The following ARHGAP12 variants were observed in gnomAD, a reference collection of about 807,000 sequenced individuals.
ARHGAP12 encodes Rho GTPase activating protein 12, also known as rho GTPase-activating protein 12.
In ARHGAP12, 64 loss-of-function variants were observed where a neutral mutation model predicts 108.6. That is an observed-to-expected ratio of 0.59 (90% confidence interval 0.48 to 0.73). The LOEUF (loss-of-function observed/expected upper bound fraction) is 0.73. ARHGAP12 is among the 30% of genes least tolerant of loss of function. ARHGAP12 has a pLI of 0.00. For synonymous variants in ARHGAP12, 312 were observed against 337.2 expected (o/e 0.93, Z 0.82); for missense variants, 940 against 1,005.9 (o/e 0.93, Z 0.89).
intron 10 of ARHGAP12, among the ~76,000 whole-genome samples, chr10:31,830,281 C>G (rs758133709): frequency 5.3e-5 from 8 of 151,762 alleles, no homozygotes; most frequent in Non-Finnish European, 8.8e-5. Context: ...ACATAGGAAA[C>G]TAAAGATTTT....
rs201902133 is a variant in ARHGAP12 at position 31,843,499 on chromosome 10, A to T, written c.1258T>A (p.Trp420Arg). The change falls in exon 7 of 20, where the codon TGG becomes AGG. Residue 420 changes from tryptophan (W) to arginine (R), a missense_variant. Transcript: ENST00000344936. ...TCCAATACAATGGTGCTATGTCTCC[A>T]CTTTGTTAATACTATTGGTTCTTGC... Reference protein sequence around the residue: ...RLQEPIVLTKWRHSTIVLDTN... With the variant: ...RLQEPIVLTKRRHSTIVLDTN... 1 of 1,613,092 alleles carries T rather than the reference A, an allele frequency of 6.2e-7. No homozygotes were observed. The highest frequency in any genetic ancestry group is 1.3e-5 in the African/African-American group (1 of 74,966).
In ARHGAP12 at chr10:31,872,504, C is replaced by T. The variant is rs1300700787; in HGVS notation, c.685-10846G>A. Reference sequence around the variant, plus strand: ...AGTCATCTGTATCTCCTCTCTTTACCCCAACAAAGTACTACTAATTCTCTA... The same window carrying T: ...AGTCATCTGTATCTCCTCTCTTTACTCCAACAAAGTACTACTAATTCTCTA... On this transcript the variant is annotated intron_variant, in intron 3 of 19. Transcript: ENST00000344936. Among the ~76,000 whole-genome samples the T allele has an allele frequency of 2.6e-5, 4 of 152,220 alleles. No homozygotes were observed. In the East Asian group the frequency reaches 7.7e-4, roughly 29 times the overall value.
chr10:31,892,682 T>G (rs1455190144), intron 3 of ARHGAP12, among the ~76,000 whole-genome samples: 1 of 152,178 alleles, frequency 6.6e-6, no homozygotes, highest in African/African-American at 2.4e-5. Context: ...CTGTCAACGT[T>G]AGACAGATCC....
At chr10:31,859,032 C>T (rs1225170032) in intron 4 of ARHGAP12, among the ~76,000 whole-genome samples, 3 of 152,112 alleles carry the variant, frequency 2.0e-5, no homozygotes, top group Non-Finnish European at 4.4e-5. Flanking sequence ...TTAAAAATGC[C>T]AGAATCTCCT....
At chr10:31,853,371 A>C (rs1836769280) in intron 5 of ARHGAP12, among the ~76,000 whole-genome samples, 1 of 152,210 alleles carries the variant, frequency 6.6e-6, no homozygotes, top group Admixed American at 6.5e-5. Flanking sequence ...AACAGCAACA[A>C]CAGAACATCA....
intron 4 of ARHGAP12, among the ~76,000 whole-genome samples, chr10:31,857,584 C>G (rs1564393567): frequency 6.6e-6 from 1 of 152,092 alleles, no homozygotes; most frequent in Non-Finnish European, 1.5e-5. Flanking sequence ...ATTCGGAAAT[C>G]TCAACAAAGC....
intron 3 of ARHGAP12, among the ~76,000 whole-genome samples, chr10:31,905,945 T>C (rs918811318): frequency 1.3e-5 from 2 of 151,978 alleles, no homozygotes; most frequent in African/African-American, 4.8e-5. Context: ...GATCCTCAAA[T>C]CCTGATATGC....
rs183766530 is a variant in ARHGAP12, at chr10:31,917,169, G to C, written c.-110-6606C>G. ...CACACCTGTTAATCCCAGCACTTTG[G>C]GGGGCTGAGGCGGGCAGATCATGAG... is the stretch of plus-strand genomic sequence containing the variant. On this transcript the variant is annotated intron_variant, in intron 1 of 19. Coordinates refer to ENST00000344936, the MANE Select transcript of ARHGAP12 (RefSeq NM_018287.7). Among the ~76,000 whole-genome samples, 241 of 151,918 alleles carry C rather than the reference G, an allele frequency of 1.6e-3. 1 individual carries two copies. Among genetic ancestry groups the C allele is most frequent in the African/African-American group, 5.6e-3 (230 of 41,378 alleles).
intron 3 of ARHGAP12, among the ~76,000 whole-genome samples, chr10:31,880,042 C>T (rs1263566975): frequency 6.6e-6 from 1 of 152,094 alleles, no homozygotes; most frequent in Non-Finnish European, 1.5e-5. Flanking sequence ...TGGTTCTGTT[C>T]AAAGATATGC....
Position 31,857,991 on chromosome 10 carries a change from C to T in ARHGAP12, c.948+3404G>A, listed in dbSNP as rs182122590. 7.8e-4 allele frequency among the ~76,000 whole-genome samples: 118 copies of T among 152,114 alleles called. 1 individual carries two copies. The highest frequency in any genetic ancestry group is 2.7e-3 in the African/African-American group (113 of 41,490). On this transcript the variant is annotated intron_variant, in intron 4 of 19. Transcript: ENST00000344936. ...GGCCAAGGTGGGAGGATCATTTGAG[C>T]CCAGGAGTTCAAGACCAGCCTGGTC...
intron 11 of ARHGAP12, among the ~76,000 whole-genome samples, chr10:31,821,040 T>G (rs1835398341): frequency 6.6e-6 from 1 of 152,126 alleles, no homozygotes; most frequent in South Asian, 2.1e-4. Flanking sequence ...ACAAGCGCAT[T>G]TTCTACCTAA....
intron 12 of ARHGAP12, among the ~76,000 whole-genome samples, chr10:31,818,548 C>T (rs1835293491): frequency 6.6e-6 from 1 of 152,154 alleles, no homozygotes; most frequent in South Asian, 2.1e-4. Flanking sequence ...AATTTTGACA[C>T]ATTTGTGGAA....
chr10:31,856,325 T>A (rs1378373266), intron 4 of ARHGAP12, among the ~76,000 whole-genome samples: 2 of 152,044 alleles, frequency 1.3e-5, no homozygotes, highest in Non-Finnish European at 2.9e-5. Flanking sequence ...AACTAAAATG[T>A]TAGTTTTCAA....
chr10:31,925,255 A>C (rs1839982358), intron 1 of ARHGAP12, among the ~76,000 whole-genome samples: 2 of 152,208 alleles, frequency 1.3e-5, no homozygotes, highest in African/African-American at 4.8e-5. Context: ...TGCCCAAACA[A>C]GCTGTAGCAG....
At chr10:31,923,175 T>C (rs1839894310) in intron 1 of ARHGAP12, among the ~76,000 whole-genome samples, 1 of 142,870 alleles carries the variant, frequency 7.0e-6, no homozygotes, top group Non-Finnish European at 1.5e-5. Flanking sequence ...TTAAACAGAC[T>C]TGTCCAAAGA....
At chr10:31,836,921 CG>C (rs1836042603) in intron 9 of ARHGAP12, among the ~76,000 whole-genome samples, 1 of 151,892 alleles carries the variant, frequency 6.6e-6, no homozygotes, top group South Asian at 2.1e-4. Flanking sequence ...ATTAACATGG[CG>C]GTTTGTTTTT....
intron 3 of ARHGAP12, among the ~76,000 whole-genome samples, chr10:31,905,173 G>GA (rs908375117): frequency 7.9e-5 from 12 of 151,456 alleles, no homozygotes; most frequent in African/African-American, 2.2e-4. Flanking sequence ...TGCTATGCTT[G>GA]AAAAAAAAAT....
chr10:31,908,686 T>G lies in ARHGAP12; in HGVS notation c.170A>C (p.Glu57Ala), dbSNP rs1839236786. ...TGGCACATAAAACGCTTTGGAGTTTTCATCTGGCTTGACTTGCCACCAGTC... is the reference window on the plus strand; with the variant it reads ...TGGCACATAAAACGCTTTGGAGTTTGCATCTGGCTTGACTTGCCACCAGTC... ...NDDWWQVKPD[E>A]NSKAFYVPAQ... Residue 57 changes from glutamate (E) to alanine (A), a missense_variant, in exon 3 of 20, where the codon GAA (glutamate) becomes GCA (alanine). Glu to Ala is a moderately radical substitution (Grantham distance 107). Transcript: ENST00000344936. 1 of 1,614,150 alleles carries G rather than the reference T, an allele frequency of 6.2e-7. No homozygotes were observed. Among genetic ancestry groups the G allele is most frequent in the Non-Finnish European group, 8.5e-7 (1 of 1,180,010 alleles).
intron 15 of ARHGAP12, among the ~76,000 whole-genome samples, chr10:31,811,224 C>T (rs1835004317): frequency 6.6e-6 from 1 of 152,198 alleles, no homozygotes; most frequent in Non-Finnish European, 1.5e-5. Context: ...CATGTAGTTC[C>T]TGAACACCAA....
Sources: gnomAD v4.1 joint callset for allele counts (sites outside exome capture counted in the v4.1 genomes callset) on GRCh38, gnomAD v4.1.1 for gene constraint, MANE v1.5 for transcripts, NCBI Gene and HGNC (gene_info 2026-07-23, HGNC 2026-07-21) for gene names.